The following DIS3L2 variants were observed in gnomAD, a reference collection of about 807,000 sequenced individuals.
DIS3L2 encodes DIS3 like 3'-5' exoribonuclease 2.
A neutral mutation model predicts 97.5 loss-of-function variants in DIS3L2; 34 were observed. The ratio of observed to expected loss-of-function variants is 0.35; its 90% CI spans 0.27 to 0.46. The LOEUF is 0.46. Among genes scored for constraint, DIS3L2 ranks in the 20% least tolerant of loss-of-function variants. DIS3L2 has a pLI of 1.00. For missense variants in DIS3L2, 1,038 were observed against 1,146.0 expected, an observed-to-expected ratio of 0.91 and a Z score of 1.36; for synonymous variants, 435 against 445.2, an observed-to-expected ratio of 0.98 and a Z score of 0.29.
intron 10 of DIS3L2, among the ~76,000 whole-genome samples, chr2:232,236,288 G>A (rs748854847): frequency 4.1e-4 from 62 of 152,302 alleles, no homozygotes; most frequent in Non-Finnish European, 7.2e-4. Context: ...CAGATAAAAT[G>A]TGTGATACCT....
downstream of DIS3L2, among the ~76,000 whole-genome samples, chr2:232,337,906 C>T (rs1460069841): frequency 6.6e-6 from 1 of 151,176 alleles, no homozygotes; most frequent in Admixed American, 6.6e-5. Context: ...GGAGCCTTTC[C>T]CTCCTCCAGG....
intron 9 of DIS3L2, among the ~76,000 whole-genome samples, chr2:232,203,946 C>T (rs1403984200): frequency 2.6e-5 from 4 of 152,018 alleles, no homozygotes; most frequent in East Asian, 3.9e-4. Flanking sequence ...ATTTAGCACA[C>T]GAGGGACATA....
At chr2:232,329,785 T>TGCCCGGGGGGGGGGGGCCC in intron 14 of DIS3L2, 28 bp from the exon 15 acceptor site, 5 of 967,144 alleles carry the variant, frequency 5.2e-6, no homozygotes, top group South Asian at 2.1e-5. Context: ...ACCCCAGCGG[T>TGCCCGGGGGGGGGGGGCCC]CCCTCCCATC....
chr2:232,168,467 A>G (rs776510481), intron 9 of DIS3L2, among the ~76,000 whole-genome samples: 3 of 151,104 alleles, frequency 2.0e-5, no homozygotes, highest in Non-Finnish European at 2.9e-5. Flanking sequence ...TATTATCTTC[A>G]ATATATGGAC....
chr2:232,179,985 C>T (rs1196801011), intron 9 of DIS3L2, among the ~76,000 whole-genome samples: 7 of 125,512 alleles, frequency 5.6e-5, no homozygotes, highest in South Asian at 2.6e-4. Flanking sequence ...GCTTTGAATG[C>T]GTCCCAGAGA....
intron 5 of DIS3L2, among the ~76,000 whole-genome samples, chr2:232,061,780 T>A (rs1695714101): frequency 6.6e-6 from 1 of 152,160 alleles, no homozygotes. Context: ...GAAATGTGAA[T>A]TAGAAATGAT....
intron 4 of DIS3L2, among the ~76,000 whole-genome samples, chr2:232,026,522 GAGTGGAGGCACCCCCA>G (rs1375215411): frequency 1.3e-5 from 2 of 151,940 alleles, no homozygotes. Flanking sequence ...ACCTGCCATT[GAGTGGAGGCACCCCCA>G]TTGAGGGGGT....
chr2:232,186,178 G>A (rs1456978264), intron 9 of DIS3L2, among the ~76,000 whole-genome samples: 3 of 152,108 alleles, frequency 2.0e-5, no homozygotes, highest in Non-Finnish European at 4.4e-5. Context: ...AGCCTTTAGC[G>A]AGATTGATGG....
rs531162939 is a variant in DIS3L2, at chr2:232,093,148, A to G, written c.601+5427A>G. 3.9e-5 allele frequency among the ~76,000 whole-genome samples: 6 copies of G among 152,294 alleles called. No individual in the cohort carries two copies. The South Asian group carries it at 1.2e-3, about 32-fold the overall frequency. ...TTTTTCAGCATCAGTTGAAATCATC[A>G]TATAGTTTTCTTCCTTCATTCTGTT... On this transcript the variant is annotated intron_variant, in intron 6 of 20. Transcript: ENST00000325385.
At chr2:231,998,209 A>G (rs923052020) in intron 1 of DIS3L2, among the ~76,000 whole-genome samples, 12 of 152,210 alleles carry the variant, frequency 7.9e-5, no homozygotes, top group African/African-American at 2.9e-4. Context: ...TGGAAAGTCC[A>G]GTAGTAAGGT....
intron 14 of DIS3L2, among the ~76,000 whole-genome samples, chr2:232,323,686 G>C (rs1417994444): frequency 2.6e-5 from 4 of 152,232 alleles, no homozygotes; most frequent in Non-Finnish European, 5.9e-5. Flanking sequence ...AATGCATTCA[G>C]GAGGTTGCAG....
At chr2:232,023,977 TA>T (rs1300267010) in intron 3 of DIS3L2, among the ~76,000 whole-genome samples, 7 of 152,140 alleles carry the variant, frequency 4.6e-5, no homozygotes, top group African/African-American at 1.7e-4. Flanking sequence ...GACTAGCATA[TA>T]GGGGCATCTA....
intron 6 of DIS3L2, among the ~76,000 whole-genome samples, chr2:232,112,296 A>G (rs1024923405): frequency 6.6e-6 from 1 of 152,252 alleles, no homozygotes; most frequent in African/African-American, 2.4e-5. Context: ...TCCTTCAGCA[A>G]ACTTCACGTA....
At chr2:232,221,524 C>T (rs964214713) in intron 10 of DIS3L2, among the ~76,000 whole-genome samples, 1 of 152,212 alleles carries the variant, frequency 6.6e-6, no homozygotes, top group African/African-American at 2.4e-5. Flanking sequence ...AAAATTCCAG[C>T]TGGGCACAGT....
intron 12 of DIS3L2, among the ~76,000 whole-genome samples, chr2:232,255,394 G>T (rs1693533143): frequency 6.6e-6 from 1 of 152,204 alleles, no homozygotes; most frequent in African/African-American, 2.4e-5. Flanking sequence ...AGAAAGCTCT[G>T]TATTTTTCCT....
chr2:232,086,831 C>T (rs1446686319), intron 5 of DIS3L2, among the ~76,000 whole-genome samples: 1 of 150,752 alleles, frequency 6.6e-6, no homozygotes, highest in Non-Finnish European at 1.5e-5. Context: ...AGGCACCCGC[C>T]ACAACTCCTG....
chr2:232,042,703 G>A (rs1032980715), intron 5 of DIS3L2, among the ~76,000 whole-genome samples: 1 of 152,174 alleles, frequency 6.6e-6, no homozygotes, highest in South Asian at 2.1e-4. Context: ...TGAAATGTCT[G>A]AAATAAGGAG....
Position 232,196,417 on chromosome 2 carries a change from CT to C in DIS3L2, c.1125-13908del. 2.0e-5 allele frequency among the ~76,000 whole-genome samples: 3 copies of C among 152,264 alleles called. No individual in the cohort carries two copies. The East Asian group carries it at 5.8e-4, about 29-fold the overall frequency. Reference sequence around the variant, plus strand: ...AATATTTTATAAAACGGTGCCAGGCCTGTTAAGGCCTATTATGCATCATTTA... The same window carrying C: ...AATATTTTATAAAACGGTGCCAGGCCGTTAAGGCCTATTATGCATCATTTA... On this transcript the variant is annotated intron_variant, in intron 9 of 20. Coordinates refer to ENST00000325385, the MANE Select transcript of DIS3L2 (RefSeq NM_152383.5).
At chr2:232,195,091 T>TTC (rs1293251921) in intron 9 of DIS3L2, among the ~76,000 whole-genome samples, 1 of 152,116 alleles carries the variant, frequency 6.6e-6, no homozygotes, top group Non-Finnish European at 1.5e-5. Context: ...TGGCCCAAAA[T>TTC]GAGTACTTAA....
Sources: allele counts gnomAD v4.1 joint callset (sites outside exome capture counted in the v4.1 genomes callset), GRCh38; gene constraint gnomAD v4.1.1; transcripts MANE v1.5; gene names NCBI Gene and HGNC (gene_info 2026-07-23, HGNC 2026-07-21).